FOXP1: variants seen among roughly 807,000 people sequenced by gnomAD.
FOXP1 encodes the protein forkhead box protein P1.
FOXP1 carries 15 observed loss-of-function variants against 98.2 expected under a neutral mutation model. The ratio of observed to expected loss-of-function variants is 0.15; its 90% CI spans 0.10 to 0.24. The LOEUF (loss-of-function observed/expected upper bound fraction) is 0.24. Among genes scored for constraint, FOXP1 ranks in the 10% least tolerant of loss-of-function variants. The pLI is 1.00. For missense variants in FOXP1, 633 were observed against 848.5 expected (o/e 0.75, Z 3.15); for synonymous variants, 371 against 314.5 (o/e 1.18, Z -1.90).
chr3:71,014,243 G>T (rs2044106387), intron 12 of FOXP1, among the ~76,000 whole-genome samples: 1 of 152,082 alleles, frequency 6.6e-6, no homozygotes, highest in Non-Finnish European at 1.5e-5. Flanking sequence ...GAAAATTTTT[G>T]CAATCTACTC....
chr3:71,174,980 C>G (rs1218962070), intron 6 of FOXP1, among the ~76,000 whole-genome samples: 3 of 150,696 alleles, frequency 2.0e-5, no homozygotes, highest in African/African-American at 7.3e-5. Context: ...GCGCCATGAT[C>G]TCAGCTCACT....
At chr3:71,026,662 G>A (rs551587696) in intron 11 of FOXP1, among the ~76,000 whole-genome samples, 107 of 152,318 alleles carry the variant, frequency 7.0e-4, no homozygotes, top group African/African-American at 2.4e-3. Flanking sequence ...TAGGTGCCAC[G>A]AAAGGTAGTA....
chr3:71,252,433 G>A (rs987429992), intron 5 of FOXP1, among the ~76,000 whole-genome samples: 6 of 152,276 alleles, frequency 3.9e-5, no homozygotes, highest in African/African-American at 9.6e-5. Flanking sequence ...CAAGAAAGAC[G>A]AAAGAAAAGT....
At chr3:71,268,135 G>A (rs373534163) in intron 5 of FOXP1, among the ~76,000 whole-genome samples, 2 of 126,184 alleles carry the variant, frequency 1.6e-5, no homozygotes, top group African/African-American at 3.1e-5. Flanking sequence ...CTGTCGCCCA[G>A]GCTGGAGTGC....
rs2048320115 is a variant in FOXP1, at chr3:71,041,412, G to A, written c.785C>T (p.Ser262Phe). ...TATTAAGGAGGTCTTGGAAGGTGCAGAGGAGGAGACACATGTCGTGGTCAG... is the reference window on the plus strand; with the variant it reads ...TATTAAGGAGGTCTTGGAAGGTGCAAAGGAGGAGACACATGTCGTGGTCAG... ...LDLTTTCVSS[S>F]APSKTSLIMN... Residue 262 changes from serine to phenylalanine, a missense_variant, in exon 11 of 21, where the codon TCT (serine) becomes TTT (phenylalanine). By Grantham distance (155) the Ser-to-Phe change is radical. This residue lies in a region of FOXP1 where 210 missense variants were observed against 270.6 expected (regional missense o/e 0.78). Transcript: ENST00000649528. The A allele has an allele frequency of 1.2e-6, 2 of 1,613,888 alleles. No individual in the cohort carries two copies. The highest frequency in any genetic ancestry group is 2.7e-5 in the African/African-American group (2 of 75,016).
chr3:71,355,162 C>T (rs2078065560), intron 4 of FOXP1, among the ~76,000 whole-genome samples: 1 of 152,158 alleles, frequency 6.6e-6, no homozygotes, highest in Admixed American at 6.5e-5. Context: ...TCTCTTTCTC[C>T]CTCAACCAGA....
chr3:71,473,164 T>C (rs547385265), intron 3 of FOXP1, among the ~76,000 whole-genome samples: 4 of 152,222 alleles, frequency 2.6e-5, no homozygotes, highest in Non-Finnish European at 5.9e-5. Context: ...AGGAGCTCTC[T>C]GTGGAGTATA....
chr3:71,448,417 A>G (rs1388444900), intron 3 of FOXP1, among the ~76,000 whole-genome samples: 1 of 152,204 alleles, frequency 6.6e-6, no homozygotes, highest in Non-Finnish European at 1.5e-5. Context: ...CTCCCAAAAG[A>G]CAAACTGTAC....
chr3:71,067,928 A>G (rs1438707378), intron 7 of FOXP1, among the ~76,000 whole-genome samples: 1 of 135,696 alleles, frequency 7.4e-6, no homozygotes. Context: ...AAAATAAAAA[A>G]TAAAATAAAA....
intron 5 of FOXP1, among the ~76,000 whole-genome samples, chr3:71,265,809 CA>C (rs1383095962): frequency 6.6e-6 from 1 of 152,120 alleles, no homozygotes; most frequent in Non-Finnish European, 1.5e-5. Context: ...GACAATCACC[CA>C]AAGACAAACC....
chr3:71,541,503 T>TAA (rs1351221815), intron 2 of FOXP1, among the ~76,000 whole-genome samples: 1 of 152,132 alleles, frequency 6.6e-6, no homozygotes, highest in Non-Finnish European at 1.5e-5. Context: ...GGACAAAAGA[T>TAA]AAAAACAATC....
At chr3:71,140,181 C>CCTA (rs2060001541) in intron 6 of FOXP1, among the ~76,000 whole-genome samples, 1 of 152,134 alleles carries the variant, frequency 6.6e-6, no homozygotes, top group South Asian at 2.1e-4. Flanking sequence ...GGAATATCTG[C>CCTA]ATACACATGG....
rs752500453 is a variant in FOXP1 at position 71,581,658 on chromosome 3, G to C, written c.-407C>G. Reference sequence around the variant, plus strand: ...GCCGCTGCCCCCGGCCCGCTCGCTCGCTCGCCGCGCGCTCTCTTCCTCTTA... The same window carrying C: ...GCCGCTGCCCCCGGCCCGCTCGCTCCCTCGCCGCGCGCTCTCTTCCTCTTA... On this transcript the variant is annotated 5_prime_UTR_variant, in exon 2 of 21. Coordinates refer to ENST00000649528, the MANE Select transcript of FOXP1 (RefSeq NM_001349338.3). 1 of 985,788 alleles carries C rather than the reference G, an allele frequency of 1.0e-6. No individual in the cohort carries two copies. Among genetic ancestry groups the C allele is most frequent in the Admixed American group, 6.1e-5 (1 of 16,276 alleles). 61.1% of individuals were successfully genotyped at this position (985,788 alleles called of 1,614,324 possible). A position where few individuals can be genotyped will look rare whatever the true frequency, so the allele number is the denominator to read the frequency against.
At chr3:71,042,371 T>G (rs2048466344) in intron 10 of FOXP1, among the ~76,000 whole-genome samples, 1 of 152,176 alleles carries the variant, frequency 6.6e-6, no homozygotes, top group Admixed American at 6.5e-5. Context: ...ACAATCAGTA[T>G]GCCAATCTCA....
At chr3:71,208,536 T>TTCTGTGTGTGTG (rs10529764) in intron 5 of FOXP1, among the ~76,000 whole-genome samples, 9,960 of 149,382 alleles carry the variant, frequency 0.067, 740 homozygotes, top group East Asian at 0.21. Context: ...GCATTTAAGT[T>TTCTGTGTGTGTG]TGTGTGTGTG....
intron 2 of FOXP1, among the ~76,000 whole-genome samples, chr3:71,538,820 G>A (rs1417396488): frequency 2.6e-5 from 4 of 152,118 alleles, no homozygotes; most frequent in Non-Finnish European, 4.4e-5. Flanking sequence ...CTATATTTAG[G>A]TCTTAATACT....
Position 71,247,410 on chromosome 3 carries a change from G to A in FOXP1, c.-11-49018C>T, listed in dbSNP as rs527717069. 2.6e-5 allele frequency among the ~76,000 whole-genome samples: 4 copies of A among 152,308 alleles called. No individual in the cohort carries two copies. In the South Asian group the frequency reaches 6.2e-4, roughly 24 times the overall value. On this transcript the variant is annotated intron_variant, in intron 5 of 20. Coordinates refer to ENST00000649528, the MANE Select transcript of FOXP1 (RefSeq NM_001349338.3). ...GGACAAGTGCCAGATGGCCTCCTCTGTCACACCTTACGGAATGCCATTGAT... is the reference window on the plus strand; with the variant it reads ...GGACAAGTGCCAGATGGCCTCCTCTATCACACCTTACGGAATGCCATTGAT...
At chr3:71,102,292 C>T (rs2057031816) in intron 7 of FOXP1, among the ~76,000 whole-genome samples, 1 of 152,158 alleles carries the variant, frequency 6.6e-6, no homozygotes, top group African/African-American at 2.4e-5. Flanking sequence ...ACACAGTACA[C>T]ATAATAAATT....
intron 3 of FOXP1, among the ~76,000 whole-genome samples, chr3:71,373,384 T>C (rs1330388272): frequency 6.6e-6 from 1 of 152,124 alleles, no homozygotes; most frequent in African/African-American, 2.4e-5. Flanking sequence ...CTGACACTAG[T>C]ACACTGGAGA....
Sources: gnomAD v4.1 joint callset for allele counts (sites outside exome capture counted in the v4.1 genomes callset) on GRCh38, gnomAD v4.1.1 for gene constraint, gnomAD v4.1.1 regional missense constraint, MANE v1.5 for transcripts, NCBI Gene and HGNC (gene_info 2026-07-23, HGNC 2026-07-21) for gene names.